Variants in ADAMTSL3 observed in about 807,000 individuals in gnomAD.
The protein encoded by ADAMTSL3 is ADAMTS-like protein 3.
ADAMTSL3 carries 128 observed loss-of-function variants against 201.7 expected under a neutral mutation model. That is an observed-to-expected ratio of 0.63 (90% CI 0.55 to 0.73). The LOEUF is 0.73. ADAMTSL3 is among the 30% of genes least tolerant of loss of function. The pLI, the probability that ADAMTSL3 is intolerant of heterozygous loss-of-function variation, is 0.00. For missense variants in ADAMTSL3, 1,990 were observed against 2,119.6 expected, an observed-to-expected ratio of 0.94 and a Z score of 1.20; for synonymous variants, 738 against 748.4, an observed-to-expected ratio of 0.99 and a Z score of 0.23.
intron 23 of ADAMTSL3, among the ~76,000 whole-genome samples, chr15:83,996,732 G>A (rs2067693208): frequency 8.3e-6 from 1 of 120,430 alleles, no homozygotes; most frequent in South Asian, 2.8e-4. Flanking sequence ...AGTGAGCAGA[G>A]ATTGCACCAC....
At chr15:83,966,770 C>T (rs1023549090) in intron 19 of ADAMTSL3, among the ~76,000 whole-genome samples, 9 of 152,050 alleles carry the variant, frequency 5.9e-5, no homozygotes, top group Non-Finnish European at 7.4e-5. Flanking sequence ...AACATCAATG[C>T]GAAAATCTTC....
At chr15:83,763,536 G>A (rs1418279067) in intron 3 of ADAMTSL3, among the ~76,000 whole-genome samples, 2 of 137,882 alleles carry the variant, frequency 1.5e-5, no homozygotes, top group South Asian at 2.2e-4. Context: ...ACAGAGTCTC[G>A]CTCTGTCACC....
intron 3 of ADAMTSL3, among the ~76,000 whole-genome samples, chr15:83,734,684 G>C (rs541443751): frequency 6.6e-6 from 1 of 152,300 alleles, no homozygotes; most frequent in Non-Finnish European, 1.5e-5. Flanking sequence ...AAAGGAATGA[G>C]AACATTTCTC....
intron 6 of ADAMTSL3, among the ~76,000 whole-genome samples, chr15:83,822,280 G>A (rs1307695696): frequency 6.9e-6 from 1 of 145,294 alleles, no homozygotes; most frequent in Non-Finnish European, 1.5e-5. Context: ...TTCTCAGACG[G>A]GGCGGCTGCC....
In ADAMTSL3 at chr15:83,791,613, C is replaced by T. The variant is rs1391496295; in HGVS notation, c.318-13037C>T. Among the ~76,000 whole-genome samples, 4 of 152,154 alleles carry T rather than the reference C, an allele frequency of 2.6e-5. No homozygotes were observed. The East Asian group carries it at 5.8e-4, about 22-fold the overall frequency. On this transcript the variant is annotated intron_variant, in intron 4 of 29. Coordinates refer to ENST00000286744, the MANE Select transcript of ADAMTSL3 (RefSeq NM_207517.3). Reference sequence around the variant, plus strand: ...GTGGCTCACGCCTGTAATCCCAACACTTTGGGAGGCCGAGGCGGGCAGATC... The same window carrying T: ...GTGGCTCACGCCTGTAATCCCAACATTTTGGGAGGCCGAGGCGGGCAGATC...
intron 15 of ADAMTSL3, among the ~76,000 whole-genome samples, chr15:83,900,093 T>G (rs557817922): frequency 6.6e-6 from 1 of 152,274 alleles, no homozygotes; most frequent in African/African-American, 2.4e-5. Flanking sequence ...TCATGGTCAA[T>G]CTCTATAAAA....
intron 3 of ADAMTSL3, among the ~76,000 whole-genome samples, chr15:83,746,384 T>A (rs942750729): frequency 1.3e-5 from 2 of 151,750 alleles, no homozygotes; most frequent in Non-Finnish European, 2.9e-5. Context: ...TGTTGACTTA[T>A]GATTCACCAC....
intron 8 of ADAMTSL3, 64 bp from the exon 9 acceptor site, chr15:83,870,738 A>G: frequency 7.3e-7 from 1 of 1,370,734 alleles, no homozygotes; most frequent in Non-Finnish European, 9.8e-7. Flanking sequence ...ATTTGCTAAA[A>G]TGTCTTTTGT....
chr15:83,909,248 G>A (rs2065892590), intron 15 of ADAMTSL3, among the ~76,000 whole-genome samples: 1 of 152,170 alleles, frequency 6.6e-6, no homozygotes, highest in Non-Finnish European at 1.5e-5. Context: ...CCCTTTTGCT[G>A]TGTATGGTAA....
chr15:83,983,148 C>G lies in ADAMTSL3; in HGVS notation c.3520C>G (p.Pro1174Ala). Residue 1174 changes from proline (P) to alanine (A), a missense_variant, in exon 21 of 30, where the codon CCG becomes GCG. Transcript: ENST00000286744. ...AKNSGKLTFK[P>A]KGPVLMRQSQ... ...AAACTCAGGCAAGCTGACATTCAAGCCGAAAGGACCTGTTCTCATGAGGCA... is the reference window on the plus strand; with the variant it reads ...AAACTCAGGCAAGCTGACATTCAAGGCGAAAGGACCTGTTCTCATGAGGCA... The G allele has an allele frequency of 1.2e-6, 2 of 1,613,624 alleles. No individual in the cohort carries two copies. Among genetic ancestry groups the G allele is most frequent in the Non-Finnish European group, 1.7e-6 (2 of 1,179,840 alleles).
chr15:83,890,281 A>G (rs767920496), intron 11 of ADAMTSL3, 34 bp downstream of exon 11: 46 of 1,606,422 alleles, frequency 2.9e-5, no homozygotes, highest in Non-Finnish European at 3.8e-5. Flanking sequence ...TTTTACTTCA[A>G]AAAGAAACAA....
intron 9 of ADAMTSL3, among the ~76,000 whole-genome samples, chr15:83,872,626 A>G (rs111601920): frequency 7.9e-6 from 1 of 126,938 alleles, no homozygotes; most frequent in African/African-American, 2.9e-5. Context: ...ACACACACAC[A>G]CAGAGTTTTT....
At chr15:83,909,395 T>A (rs1173469529) in intron 15 of ADAMTSL3, among the ~76,000 whole-genome samples, 2 of 152,210 alleles carry the variant, frequency 1.3e-5, no homozygotes, top group Non-Finnish European at 2.9e-5. Flanking sequence ...CTTTTCAGGA[T>A]GTATTTCAGT....
At chr15:83,703,718 T>C (rs1322806169) in intron 2 of ADAMTSL3, among the ~76,000 whole-genome samples, 2 of 152,150 alleles carry the variant, frequency 1.3e-5, no homozygotes, top group Admixed American at 6.5e-5. Context: ...GTCTCGGGTA[T>C]GTAGTTATCA....
At chr15:83,735,087 T>G (rs1305789836) in intron 3 of ADAMTSL3, among the ~76,000 whole-genome samples, 1 of 152,178 alleles carries the variant, frequency 6.6e-6, no homozygotes, top group Admixed American at 6.6e-5. Context: ...AATAAGAGTA[T>G]TTTTTAAAAT....
At chr15:83,867,660 G>T (rs1378599894) in intron 8 of ADAMTSL3, among the ~76,000 whole-genome samples, 1 of 152,164 alleles carries the variant, frequency 6.6e-6, no homozygotes, top group South Asian at 2.1e-4. Context: ...TAGAAATACA[G>T]CTCTACTGTA....
At chr15:83,839,482 A>G (rs2064334810) in intron 7 of ADAMTSL3, among the ~76,000 whole-genome samples, 1 of 152,180 alleles carries the variant, frequency 6.6e-6, no homozygotes, top group Non-Finnish European at 1.5e-5. Flanking sequence ...CCTCAAAGCA[A>G]TTTAGGCAGT....
At chr15:83,871,089 T>C (rs1024808859) in intron 9 of ADAMTSL3, 130 bp downstream of exon 9, 10 of 1,063,474 alleles carry the variant, frequency 9.4e-6, no homozygotes, top group Non-Finnish European at 1.3e-5. Context: ...CATCAATATT[T>C]CCATCTTGGC....
chr15:83,681,928 ACTT>A, intron 2 of ADAMTSL3, among the ~76,000 whole-genome samples: 1 of 152,108 alleles, frequency 6.6e-6, no homozygotes, highest in Non-Finnish European at 1.5e-5. Context: ...GTCCTTAGTG[ACTT>A]CTTTTTTTAT....
Sources: gnomAD v4.1 joint callset for allele counts (sites outside exome capture counted in the v4.1 genomes callset) on GRCh38, gnomAD v4.1.1 for gene constraint, MANE v1.5 for transcripts, NCBI Gene and HGNC (gene_info 2026-07-23, HGNC 2026-07-21) for gene names.